Variants in GRID1 observed in about 807,000 individuals in gnomAD.
GRID1 encodes glutamate receptor ionotropic, delta-1.
A neutral mutation model predicts 98.0 loss-of-function variants in GRID1; 28 were observed. The ratio of observed to expected loss-of-function variants is 0.29; its 90% CI spans 0.21 to 0.39. The LOEUF is 0.39. Among genes scored for constraint, GRID1 ranks in the 10% least tolerant of loss-of-function variants. The pLI is 1.00. For missense variants in GRID1, 1,111 were observed against 1,340.5 expected (o/e 0.83, Z 2.67); for synonymous variants, 553 against 538.5 (o/e 1.03, Z -0.37).
At chr10:86,006,487 G>A (rs539552125) in intron 4 of GRID1, among the ~76,000 whole-genome samples, 14 of 152,162 alleles carry the variant, frequency 9.2e-5, no homozygotes, top group African/African-American at 1.2e-4. Context: ...GCGTGGTGGC[G>A]GGCACCTCTA....
At chr10:86,066,986 G>T (rs185761081) in intron 4 of GRID1, among the ~76,000 whole-genome samples, 1 of 152,330 alleles carries the variant, frequency 6.6e-6, no homozygotes, top group East Asian at 1.9e-4. Context: ...AAAGCCTCCA[G>T]ATAGGACTCA....
Position 86,206,329 on chromosome 10 carries a change from C to A in GRID1, c.520+35G>T. 6.4e-7 allele frequency: 1 copy of A among 1,561,990 alleles called. No individual in the cohort carries two copies. Among genetic ancestry groups the A allele is most frequent in the East Asian group, 2.3e-5 (1 of 44,432 alleles). On this transcript the variant is annotated intron_variant, in intron 3 of 15. Coordinates refer to ENST00000327946, the MANE Select transcript of GRID1 (RefSeq NM_017551.3). This position sits in a 1 kb window ranked among gnomAD's most constrained non-coding sequence, Gnocchi z 4.1. ...TCCCAGCATCTGGCCATCCCTGTCC[C>A]CAAGCAGCCCCAGCTCGCCTGCCGG...
intron 6 of GRID1, among the ~76,000 whole-genome samples, chr10:85,866,303 CAAA>C (rs201164587): frequency 4.6e-5 from 3 of 65,408 alleles, no homozygotes; most frequent in Non-Finnish European, 6.0e-5. Context: ...TAAATCACAC[CAAA>C]AAAAAAAAAA....
chr10:85,969,845 G>C (rs2131854267), intron 4 of GRID1, among the ~76,000 whole-genome samples: 1 of 150,810 alleles, frequency 6.6e-6, no homozygotes, highest in Non-Finnish European at 1.5e-5. Context: ...AATAAAGATT[G>C]GAATGGAAAT....
chr10:86,074,741 G>A (rs1449816705), intron 4 of GRID1, among the ~76,000 whole-genome samples: 1 of 152,158 alleles, frequency 6.6e-6, no homozygotes, highest in East Asian at 1.9e-4. Context: ...GAGCCCTGAA[G>A]AGCACTCTGA....
intron 4 of GRID1, among the ~76,000 whole-genome samples, chr10:86,059,644 A>G (rs1843622486): frequency 6.6e-6 from 1 of 152,252 alleles, no homozygotes; most frequent in African/African-American, 2.4e-5. Flanking sequence ...GGGAAAAAAC[A>G]TTAGCCTGAA....
chr10:85,844,622 C>T (rs1428412926), intron 8 of GRID1, among the ~76,000 whole-genome samples: 2 of 151,988 alleles, frequency 1.3e-5, no homozygotes, highest in East Asian at 3.9e-4. Flanking sequence ...TTTATTAAAA[C>T]TGCATGTAAA....
chr10:85,829,047 C>T (rs922108796), intron 8 of GRID1, among the ~76,000 whole-genome samples: 2 of 151,976 alleles, frequency 1.3e-5, no homozygotes, highest in African/African-American at 4.8e-5. Context: ...AACATAGATG[C>T]AAAAATCCTC....
intron 6 of GRID1, among the ~76,000 whole-genome samples, chr10:85,866,485 C>T (rs1057276213): frequency 1.3e-5 from 2 of 151,416 alleles, no homozygotes; most frequent in African/African-American, 4.9e-5. Flanking sequence ...CATTATATTC[C>T]AATTCCAGTT....
chr10:85,797,045 C>T (rs930468719), intron 8 of GRID1, among the ~76,000 whole-genome samples: 2 of 151,982 alleles, frequency 1.3e-5, no homozygotes, highest in African/African-American at 2.4e-5. Flanking sequence ...TTTATTTTGT[C>T]TTTTAAAAGG....
chr10:85,632,102 G>T (rs551082085), intron 13 of GRID1, among the ~76,000 whole-genome samples: 1 of 152,228 alleles, frequency 6.6e-6, no homozygotes, highest in South Asian at 2.1e-4. Context: ...TATGTGTAAA[G>T]TGATTGAATA....
chr10:85,723,224 G>A, intron 11 of GRID1, 83 bp from the exon 12 acceptor site: 1 of 1,369,016 alleles, frequency 7.3e-7, no homozygotes, highest in Non-Finnish European at 9.8e-7. Context: ...CCTGCAGCCA[G>A]GCACACAGGC....
At chr10:85,626,897 T>C (rs1006857272) in intron 13 of GRID1, among the ~76,000 whole-genome samples, 1 of 152,126 alleles carries the variant, frequency 6.6e-6, no homozygotes, top group African/African-American at 2.4e-5. Flanking sequence ...GTGGGGAGAA[T>C]TGAATGTTTT....
chr10:85,816,570 G>A (rs1205385910), intron 8 of GRID1, among the ~76,000 whole-genome samples: 2 of 152,200 alleles, frequency 1.3e-5, no homozygotes, highest in Non-Finnish European at 2.9e-5. Flanking sequence ...AATTTTTAGG[G>A]TGATGGAACT....
chr10:85,901,231 A>ATTTTATTTTAT (rs201389360), intron 5 of GRID1, among the ~76,000 whole-genome samples: 68 of 111,812 alleles, frequency 6.1e-4, no homozygotes, highest in African/African-American at 2.0e-3. Flanking sequence ...ATTTTATTTT[A>ATTTTATTTTAT]TTTATTTATT....
chr10:85,734,885 G>A (rs758544684), intron 8 of GRID1, among the ~76,000 whole-genome samples: 52 of 152,166 alleles, frequency 3.4e-4, no homozygotes, highest in Non-Finnish European at 1.5e-5. Context: ...TGTAAATGAA[G>A]GCTTTAAATG....
chr10:86,053,577 G>A lies in GRID1; in HGVS notation c.726+85242C>T, dbSNP rs535156850. ...GGGTTTCGCCGTGTTGGCCAGGCTG[G>A]TCTCGAACTCAGGAGATCCGCCCGC... is the stretch of plus-strand genomic sequence containing the variant. On this transcript the variant is annotated intron_variant, in intron 4 of 15. Coordinates refer to ENST00000327946, the MANE Select transcript of GRID1 (RefSeq NM_017551.3). 3.3e-5 allele frequency among the ~76,000 whole-genome samples: 5 copies of A among 151,982 alleles called. No individual in the cohort carries two copies. The South Asian group carries it at 1.0e-3, about 32-fold the overall frequency.
At chr10:86,318,517 G>A (rs1298212016) in intron 2 of GRID1, among the ~76,000 whole-genome samples, 1 of 152,204 alleles carries the variant, frequency 6.6e-6, no homozygotes, top group Non-Finnish European at 1.5e-5. Flanking sequence ...GCCCCCTCCT[G>A]CTATGAAAAG....
chr10:86,100,886 C>G (rs569296422), intron 4 of GRID1, among the ~76,000 whole-genome samples: 2 of 152,286 alleles, frequency 1.3e-5, no homozygotes, highest in African/African-American at 4.8e-5. Flanking sequence ...CAGAGCCCAC[C>G]AAGCCCAGCC....
Sources: allele counts gnomAD v4.1 joint callset (sites outside exome capture counted in the v4.1 genomes callset), GRCh38; gene constraint gnomAD v4.1.1; non-coding constraint Gnocchi (gnomAD v3.1); transcripts MANE v1.5; gene names NCBI Gene and HGNC (gene_info 2026-07-23, HGNC 2026-07-21).